The following SPATA31H1 variants were observed in gnomAD, a reference collection of about 807,000 sequenced individuals.
The protein encoded by SPATA31H1 is SPATA31 subfamily H member 1, also known as spermatogenesis-associated protein 31H1.
At chr2:27,580,704 G>C in the SPATA31H1 span, 496 of 1,614,206 alleles carry the variant, frequency 3.1e-4, 8 homozygotes, top group South Asian at 5.2e-3. Flanking sequence ...GCCTGTGGAC[G>C]GGACAAGGCC....
chr2:27,538,822 C>T, the SPATA31H1 span, among the ~76,000 whole-genome samples: 1 of 151,540 alleles, frequency 6.6e-6, no homozygotes, highest in Non-Finnish European at 1.5e-5. Context: ...CAGAGCGAGA[C>T]TCTGTCTCAA....
the SPATA31H1 span, among the ~76,000 whole-genome samples, chr2:27,541,403 G>A: frequency 1.3e-5 from 2 of 151,490 alleles, no homozygotes; most frequent in Non-Finnish European, 2.9e-5. Flanking sequence ...CCGTGGGAAG[G>A]GGGAGAGAGA....
the SPATA31H1 span, among the ~76,000 whole-genome samples, chr2:27,539,091 T>A: frequency 2.8e-5 from 4 of 142,116 alleles, no homozygotes; most frequent in African/African-American, 1.0e-4. Flanking sequence ...ATAAACATTA[T>A]CATCATTTTC....
the SPATA31H1 span, among the ~76,000 whole-genome samples, chr2:27,542,999 G>A: frequency 6.6e-6 from 1 of 152,004 alleles, no homozygotes; most frequent in East Asian, 1.9e-4. Flanking sequence ...GAGGCTCCCA[G>A]GCTCAGTGGC....
At chr2:27,541,295 T>C in the SPATA31H1 span, among the ~76,000 whole-genome samples, 2 of 151,434 alleles carry the variant, frequency 1.3e-5, no homozygotes, top group Non-Finnish European at 2.9e-5. Context: ...CTCGGCAGGC[T>C]GATGCAGGAG....
the SPATA31H1 span, chr2:27,566,722 C>G: frequency 1.6e-6 from 1 of 613,518 alleles, no homozygotes; most frequent in Non-Finnish European, 3.0e-6. Flanking sequence ...AAACATTTCT[C>G]TTTATTTCTT....
At chr2:27,573,773 A>G in the SPATA31H1 span, 1 of 398,540 alleles carries the variant, frequency 2.5e-6, no homozygotes, top group Non-Finnish European at 4.4e-6. Context: ...CAGCGTTTAC[A>G]CAAGTGCCAC....
the SPATA31H1 span, among the ~76,000 whole-genome samples, chr2:27,562,506 G>T: frequency 7.2e-6 from 1 of 139,206 alleles, no homozygotes; most frequent in Non-Finnish European, 1.5e-5. Context: ...ACGAGACCTT[G>T]TCTCAAAAAA....
chr2:27,552,498 G>GT, the SPATA31H1 span, among the ~76,000 whole-genome samples: 1 of 151,878 alleles, frequency 6.6e-6, no homozygotes, highest in South Asian at 2.1e-4. Context: ...CTACAGCTTC[G>GT]TAAGTTTTAA....
chr2:27,562,886 C>CA, the SPATA31H1 span, among the ~76,000 whole-genome samples: 3,763 of 123,826 alleles, frequency 0.03, 66 homozygotes, highest in African/African-American at 0.055. Context: ...GATTCTGTCT[C>CA]AAAAAAAAAA....
chr2:27,580,787 C>G, the SPATA31H1 span: 1 of 1,614,156 alleles, frequency 6.2e-7, no homozygotes, highest in Admixed American at 1.7e-5. Flanking sequence ...CAAGCAGTAT[C>G]AAAAGAGACA....
the SPATA31H1 span, chr2:27,566,321 A>AAT: frequency 1.4e-6 from 1 of 717,290 alleles, no homozygotes. Flanking sequence ...TGGACCCAGG[A>AAT]ATATATACTC....
the SPATA31H1 span, among the ~76,000 whole-genome samples, chr2:27,561,421 T>A: frequency 2.6e-5 from 4 of 152,242 alleles, no homozygotes; most frequent in Non-Finnish European, 5.9e-5. Flanking sequence ...ATTGATTAAA[T>A]CAAGTGAATT....
At chr2:27,582,523 G>A in the SPATA31H1 span, 2 of 1,597,078 alleles carry the variant, frequency 1.3e-6, no homozygotes, top group Non-Finnish European at 1.7e-6. Context: ...GAAGCTACTC[G>A]ATGAGGCGAG....
At chr2:27,580,472 CAG>C in the SPATA31H1 span, 1 of 1,614,208 alleles carries the variant, frequency 6.2e-7, no homozygotes, top group East Asian at 2.2e-5. Context: ...TTAGAAAACA[CAG>C]AAAGTTCTAC....
the SPATA31H1 span, chr2:27,569,977 A>G: frequency 2.5e-6 from 1 of 398,910 alleles, no homozygotes; most frequent in Non-Finnish European, 4.4e-6. Context: ...TCCCCAGTTC[A>G]GGACATCAAA....
chr2:27,540,153 A>C, the SPATA31H1 span, among the ~76,000 whole-genome samples: 27 of 50,054 alleles, frequency 5.4e-4, no homozygotes, highest in South Asian at 1.6e-3. Flanking sequence ...TGACCCCCCC[A>C]CCTCCCTCCC....
chr2:27,582,511 CTGAAGCTACTCGA>C, the SPATA31H1 span: 13 of 1,604,728 alleles, frequency 8.1e-6, no homozygotes, highest in African/African-American at 1.7e-4. Flanking sequence ...GTGTGGAGGC[CTGAAGCTACTCGA>C]TGAGGCGAGG....
chr2:27,570,511 C>A, the SPATA31H1 span: 1 of 398,806 alleles, frequency 2.5e-6, no homozygotes, highest in Non-Finnish European at 4.4e-6. Context: ...CTGCAAGATT[C>A]CAAATTAGCA....
Sources: allele counts gnomAD v4.1 joint callset (sites outside exome capture counted in the v4.1 genomes callset), GRCh38; gene constraint gnomAD v4.1.1; transcripts MANE v1.5; gene names NCBI Gene and HGNC (gene_info 2026-07-23, HGNC 2026-07-21).